Variants in RNGTT observed in about 807,000 individuals in gnomAD.
The protein encoded by RNGTT is RNA guanylyltransferase and 5'-phosphatase, also known as mRNA-capping enzyme.
A neutral mutation model predicts 79.3 loss-of-function variants in RNGTT; 33 were observed. The ratio of observed to expected loss-of-function variants is 0.42; its 90% CI spans 0.32 to 0.56. The LOEUF (loss-of-function observed/expected upper bound fraction) is 0.56, where lower values mean the gene tolerates loss of function less well. Ranked by LOEUF, RNGTT falls within the 20% of genes least tolerant of loss-of-function variation. The pLI is 0.17. For missense variants in RNGTT, 497 were observed against 739.1 expected, an observed-to-expected ratio of 0.67 and a Z score of 3.80; for synonymous variants, 222 against 235.9, an observed-to-expected ratio of 0.94 and a Z score of 0.54.
At chr6:88,817,490 TAAAAAAAA>T (rs11354100) in intron 11 of RNGTT, among the ~76,000 whole-genome samples, 2 of 44,566 alleles carry the variant, frequency 4.5e-5, no homozygotes, top group Admixed American at 3.2e-4. Flanking sequence ...AAAAAATAAG[TAAAAAAAA>T]AAAAAAAAAA....
At chr6:88,814,707 T>G (rs1780260431) in intron 11 of RNGTT, among the ~76,000 whole-genome samples, 1 of 152,018 alleles carries the variant, frequency 6.6e-6, no homozygotes, top group Admixed American at 6.6e-5. Flanking sequence ...TATTTGGCCA[T>G]AAATACATAA....
At chr6:88,875,475 C>A (rs1782489713) in intron 8 of RNGTT, among the ~76,000 whole-genome samples, 1 of 151,908 alleles carries the variant, frequency 6.6e-6, no homozygotes, top group African/African-American at 2.4e-5. Context: ...CATCTATTAG[C>A]ATAAAACAGT....
intron 14 of RNGTT, among the ~76,000 whole-genome samples, chr6:88,664,392 G>A (rs1774310311): frequency 6.6e-6 from 1 of 152,206 alleles, no homozygotes; most frequent in South Asian, 2.1e-4. Context: ...GATATTAGGA[G>A]AAAGCTGAAG....
intron 11 of RNGTT, among the ~76,000 whole-genome samples, chr6:88,806,019 A>ATTGT (rs1779941947): frequency 6.6e-6 from 1 of 152,142 alleles, no homozygotes; most frequent in Admixed American, 6.6e-5. Context: ...CTCCCCACCC[A>ATTGT]CAAATGAAGC....
intron 13 of RNGTT, among the ~76,000 whole-genome samples, chr6:88,685,368 G>A (rs1775237789): frequency 6.6e-6 from 1 of 152,112 alleles, no homozygotes; most frequent in African/African-American, 2.4e-5. Context: ...AAGGGAAACT[G>A]TATGCCGAAA....
intron 11 of RNGTT, among the ~76,000 whole-genome samples, chr6:88,815,391 C>A (rs970409693): frequency 1.3e-5 from 2 of 152,128 alleles, no homozygotes; most frequent in African/African-American, 4.8e-5. Context: ...TATAATAAAA[C>A]TATAATTCTT....
At position 88,764,074 on chromosome 6, in the gene RNGTT, C is replaced by T. The variant is rs555186894; in HGVS notation, c.1439+5700G>A. On this transcript the variant is annotated intron_variant, in intron 13 of 15. Coordinates refer to ENST00000369485, the MANE Select transcript of RNGTT (RefSeq NM_003800.5). ...TGTGGCAAGAATGACAGCTGGGCAGCAACTGGCTTCTTATGAACCCTATAA... is the reference window on the plus strand; with the variant it reads ...TGTGGCAAGAATGACAGCTGGGCAGTAACTGGCTTCTTATGAACCCTATAA... Among the ~76,000 whole-genome samples, 23 of 152,298 alleles carry T rather than the reference C, an allele frequency of 1.5e-4. No individual in the cohort carries two copies. In the South Asian group the frequency reaches 3.9e-3, roughly 26 times the overall value.
intron 1 of RNGTT, among the ~76,000 whole-genome samples, chr6:88,948,394 C>T (rs1366456228): frequency 1.6e-5 from 2 of 128,244 alleles, no homozygotes; most frequent in African/African-American, 6.0e-5. Context: ...CCAGCCGCCC[C>T]GTCCGGGAGG....
intron 13 of RNGTT, among the ~76,000 whole-genome samples, chr6:88,747,046 C>T (rs2127828289): frequency 6.6e-6 from 1 of 152,234 alleles, no homozygotes; most frequent in South Asian, 2.1e-4. Context: ...TACTTAATAA[C>T]CGGCAGAATC....
chr6:88,768,449 C>A (rs1038737157), intron 13 of RNGTT, among the ~76,000 whole-genome samples: 4 of 152,122 alleles, frequency 2.6e-5, no homozygotes, highest in African/African-American at 7.2e-5. Flanking sequence ...AAAACGAATA[C>A]CCACATGCTT....
Position 88,739,762 on chromosome 6 carries a change from T to C in RNGTT, c.1439+30012A>G, listed in dbSNP as rs1230558773. Reference sequence around the variant, plus strand: ...ATATATATATATATATATATATATATATATATATATATATATGTTAACACA... The same window carrying C: ...ATATATATATATATATATATATATACATATATATATATATATGTTAACACA... On this transcript the variant is annotated intron_variant, in intron 13 of 15. Transcript: ENST00000369485. Among the ~76,000 whole-genome samples, 8 of 61,344 alleles carry C rather than the reference T, an allele frequency of 1.3e-4. 2 individuals are homozygous for C. In the East Asian group the frequency reaches 3.5e-3, roughly 27 times the overall value. 40.2% of individuals were successfully genotyped at this position (61,344 alleles called of 152,430 possible).
chr6:88,875,565 C>T (rs932733638), intron 8 of RNGTT, among the ~76,000 whole-genome samples: 1 of 152,152 alleles, frequency 6.6e-6, no homozygotes, highest in Admixed American at 6.5e-5. Context: ...GGCCAGATCA[C>T]TTGCATTCAA....
At chr6:88,763,320 T>C (rs1470542050) in intron 13 of RNGTT, among the ~76,000 whole-genome samples, 1 of 151,730 alleles carries the variant, frequency 6.6e-6, no homozygotes, top group Non-Finnish European at 1.5e-5. Flanking sequence ...CTTTGGCTAT[T>C]ATGAATAATG....
rs1022473597 is a variant in RNGTT, at chr6:88,611,673, T to C, written c.*1046A>G. The C allele has an allele frequency of 6.6e-6, 1 of 152,592 alleles. No individual in the cohort carries two copies. Among genetic ancestry groups the C allele is most frequent in the Non-Finnish European group, 1.5e-5 (1 of 68,050 alleles). The allele number at this position is 152,592 out of a possible 1,614,324, so 9.5% of individuals were successfully genotyped here. ...TTCCTTGATATTTAGTTCCTACAGA[T>C]GTCTACACTTTGCCTCTGCATTTAT... On this transcript the variant is annotated 3_prime_UTR_variant, in exon 16 of 16. Coordinates refer to ENST00000369485, the MANE Select transcript of RNGTT (RefSeq NM_003800.5).
intron 13 of RNGTT, among the ~76,000 whole-genome samples, chr6:88,766,376 C>T (rs1267330517): frequency 6.6e-6 from 1 of 152,062 alleles, no homozygotes; most frequent in African/African-American, 2.4e-5. Context: ...TAGCTTTTGA[C>T]AATGACCATG....
intron 13 of RNGTT, among the ~76,000 whole-genome samples, chr6:88,750,134 G>A (rs1211539459): frequency 2.6e-5 from 4 of 151,908 alleles, no homozygotes; most frequent in African/African-American, 4.8e-5. Flanking sequence ...TTCCAAATAG[G>A]GTCACATTCA....
chr6:88,706,989 A>G (rs536479642), intron 13 of RNGTT, among the ~76,000 whole-genome samples: 13 of 152,346 alleles, frequency 8.5e-5, no homozygotes, highest in African/African-American at 3.1e-4. Flanking sequence ...CAATTCCTTT[A>G]AAGAGGAAGA....
intron 13 of RNGTT, among the ~76,000 whole-genome samples, chr6:88,708,408 T>C (rs9344842): frequency 0.12 from 17,641 of 151,888 alleles, 1,141 homozygotes; most frequent in Middle Eastern, 0.23. Context: ...CTTCAGAAAA[T>C]GTATCTCTGT....
At chr6:88,694,183 T>C (rs1213984933) in intron 13 of RNGTT, among the ~76,000 whole-genome samples, 1 of 152,100 alleles carries the variant, frequency 6.6e-6, no homozygotes, top group East Asian at 1.9e-4. Context: ...TGATCTTATA[T>C]GGAGAGAGCT....
Sources: gnomAD v4.1 joint callset for allele counts (sites outside exome capture counted in the v4.1 genomes callset) on GRCh38, gnomAD v4.1.1 for gene constraint, MANE v1.5 for transcripts, NCBI Gene and HGNC (gene_info 2026-07-23, HGNC 2026-07-21) for gene names.